The following EEPD1 variants were observed in gnomAD, a reference collection of about 807,000 sequenced individuals.
EEPD1 encodes the protein endonuclease/exonuclease/phosphatase family domain containing 1.
In EEPD1, 17 loss-of-function variants were observed where a neutral mutation model predicts 46.3. The observed-to-expected ratio is 0.37, with a 90% CI of 0.25 to 0.55. The LOEUF (loss-of-function observed/expected upper bound fraction) is 0.55, where lower values mean the gene tolerates loss of function less well. Ranked by LOEUF, EEPD1 falls within the 20% of genes least tolerant of loss-of-function variation. The probability of loss-of-function intolerance (pLI) is 0.83; values close to 1 mark genes in which losing one functional copy is unlikely to be tolerated. For missense variants in EEPD1, 673 were observed against 745.6 expected, an observed-to-expected ratio of 0.90 and a Z score of 1.13; for synonymous variants, 313 against 315.6, an observed-to-expected ratio of 0.99 and a Z score of 0.09.
chr7:36,233,839 C>T (rs765494303), intron 2 of EEPD1, among the ~76,000 whole-genome samples: 8 of 152,298 alleles, frequency 5.3e-5, no homozygotes, highest in East Asian at 1.9e-4. Flanking sequence ...GCAGAGAGAA[C>T]GCCCACACTC....
chr7:36,235,074 C>A (rs530540232), intron 2 of EEPD1, among the ~76,000 whole-genome samples: 2 of 146,668 alleles, frequency 1.4e-5, no homozygotes, highest in African/African-American at 5.1e-5. Flanking sequence ...AGCCTCAAGC[C>A]CAGGCCTTCC....
chr7:36,275,239 T>C (rs1172827494), intron 3 of EEPD1, among the ~76,000 whole-genome samples: 9 of 152,056 alleles, frequency 5.9e-5, no homozygotes, highest in Non-Finnish European at 1.0e-4. Flanking sequence ...CCATTCAGAG[T>C]TTACTTTAAA....
intron 3 of EEPD1, among the ~76,000 whole-genome samples, chr7:36,279,083 C>A (rs1056350978): frequency 3.1e-5 from 2 of 64,160 alleles, no homozygotes; most frequent in African/African-American, 4.2e-5. Context: ...GAAATTCCCA[C>A]CACCCCGACT....
chr7:36,282,498 T>C lies in EEPD1; in HGVS notation c.1041+1273T>C, dbSNP rs141834925. The stretch of plus-strand genomic sequence containing the variant: ...ACAGCCTGTTGGAGAGCAAGACAGG[T>C]AACCCCATTCCAGGTCAGGGTGTCA... On this transcript the variant is annotated intron_variant, in intron 4 of 7. Transcript: ENST00000242108. 3.9e-5 allele frequency among the ~76,000 whole-genome samples: 6 copies of C among 152,330 alleles called. No individual in the cohort carries two copies. In the East Asian group the frequency reaches 1.2e-3, roughly 29 times the overall value.
intron 3 of EEPD1, among the ~76,000 whole-genome samples, chr7:36,273,341 T>C (rs549012340): frequency 6.6e-6 from 1 of 152,054 alleles, no homozygotes; most frequent in South Asian, 2.1e-4. Flanking sequence ...ACTTAGTAAA[T>C]GTTGGTTTCC....
intron 3 of EEPD1, among the ~76,000 whole-genome samples, chr7:36,240,144 C>T (rs1786533646): frequency 6.6e-6 from 1 of 152,072 alleles, no homozygotes; most frequent in African/African-American, 2.4e-5. Context: ...TGGTGCACAC[C>T]TGCGGTCCCA....
chr7:36,286,936 G>A (rs1286985639), intron 5 of EEPD1, among the ~76,000 whole-genome samples: 4 of 152,058 alleles, frequency 2.6e-5, no homozygotes, highest in Non-Finnish European at 4.4e-5. Flanking sequence ...AAGTGCTTGG[G>A]GTTGTGGCCG....
At chr7:36,197,766 A>G (rs1281741335) in intron 2 of EEPD1, among the ~76,000 whole-genome samples, 1 of 152,158 alleles carries the variant, frequency 6.6e-6, no homozygotes. Flanking sequence ...ACCCAGGGAC[A>G]CAAACACTCT....
intron 2 of EEPD1, among the ~76,000 whole-genome samples, chr7:36,212,397 T>C (rs1349891934): frequency 6.6e-6 from 1 of 151,112 alleles, no homozygotes; most frequent in African/African-American, 2.4e-5. Flanking sequence ...CAGAAATGCA[T>C]CCCATATATA....
intron 3 of EEPD1, among the ~76,000 whole-genome samples, chr7:36,255,583 C>G (rs1786816945): frequency 6.6e-6 from 1 of 152,162 alleles, no homozygotes; most frequent in South Asian, 2.1e-4. Flanking sequence ...AGGAATTTAT[C>G]CATTTCTTCT....
At chr7:36,229,743 G>A (rs1176046758) in intron 2 of EEPD1, among the ~76,000 whole-genome samples, 3 of 152,030 alleles carry the variant, frequency 2.0e-5, no homozygotes, top group Non-Finnish European at 4.4e-5. Context: ...GCTGCCGGCC[G>A]TGTTCTCCGG....
chr7:36,166,484 G>C (rs1402072597), intron 2 of EEPD1, among the ~76,000 whole-genome samples: 2 of 152,150 alleles, frequency 1.3e-5, no homozygotes, highest in African/African-American at 4.8e-5. Flanking sequence ...ACTTTGGGAG[G>C]TCTAGGTGGA....
chr7:36,198,825 C>G lies in EEPD1; in HGVS notation c.879-40160C>G, dbSNP rs1302249791. On this transcript the variant is annotated intron_variant, in intron 2 of 7. Transcript: ENST00000242108. ...TGTGGGTGTGCCAGCCACGGTCACT[C>G]TGGTGAAGCCCGCCTTCTCCTGCTA... 2.6e-5 allele frequency among the ~76,000 whole-genome samples: 4 copies of G among 152,132 alleles called. 1 individual carries two copies. The highest frequency in any genetic ancestry group is 9.7e-5 in the African/African-American group (4 of 41,422).
intron 2 of EEPD1, among the ~76,000 whole-genome samples, chr7:36,173,633 A>G (rs950022308): frequency 3.2e-4 from 49 of 152,196 alleles, no homozygotes; most frequent in Admixed American, 3.2e-3. Context: ...CTGTGAGTCA[A>G]TTAAACCTCT....
chr7:36,281,231 C>T lies in EEPD1; in HGVS notation c.1041+6C>T. On this transcript the variant is annotated splice_donor_region_variant and intron_variant, in intron 4 of 7. Coordinates refer to ENST00000242108, the MANE Select transcript of EEPD1 (RefSeq NM_030636.3). ...CCTCGAGTCAGCTCCAGAAGGTACC[C>T]TCGTCTGCAAAGCCTGGCCTTTCCC... The T allele has an allele frequency of 6.2e-7, 1 of 1,611,872 alleles. No individual in the cohort carries two copies. The highest frequency in any genetic ancestry group is 8.5e-7 in the Non-Finnish European group (1 of 1,178,004).
rs56056943 is a variant in EEPD1, at chr7:36,194,902, C to T, written c.878+39700C>T. On this transcript the variant is annotated intron_variant, in intron 2 of 7. Coordinates refer to ENST00000242108, the MANE Select transcript of EEPD1 (RefSeq NM_030636.3). ...ATTGAATGTGTCCTCACCTAATCTA[C>T]CAACTACTAGACACAAATACTCACA... Among the ~76,000 whole-genome samples, 940 of 152,348 alleles carry T rather than the reference C, an allele frequency of 6.2e-3. 1 individual carries two copies. The highest frequency in any genetic ancestry group is 0.011 in the Non-Finnish European group (723 of 68,040).
rs147085393 is a variant in EEPD1, at chr7:36,299,144, C to T, written c.1648C>T (p.Pro550Ser). Residue 550 changes from proline to serine, a missense_variant, in exon 8 of 8, where the codon CCT becomes TCT. Pro to Ser is a moderately conservative substitution (Grantham distance 74). Transcript: ENST00000242108. ...AAAGGACTGGAGCAAGAAGGATGCC[C>T]CTCGGAACGGCAGCGGGGTGGCCTT... Reference protein sequence around the residue: ...TEKDWSKKDAPRNGSGVALER... With the variant: ...TEKDWSKKDASRNGSGVALER... 1 of 1,611,642 alleles carries T rather than the reference C, an allele frequency of 6.2e-7. No homozygotes were observed. The highest frequency in any genetic ancestry group is 8.5e-7 in the Non-Finnish European group (1 of 1,178,002).
chr7:36,220,602 C>G (rs1413789898), intron 2 of EEPD1, among the ~76,000 whole-genome samples: 2 of 152,148 alleles, frequency 1.3e-5, no homozygotes, highest in African/African-American at 4.8e-5. Context: ...TCTTTCTATT[C>G]ATTTGGCCCC....
chr7:36,271,720 CATGG>C (rs1339417762), intron 3 of EEPD1, among the ~76,000 whole-genome samples: 1,060 of 49,866 alleles, frequency 0.021, no homozygotes, highest in East Asian at 0.028. Context: ...CCTAGGTTTT[CATGG>C]TTTTAGGTTT....
Sources: gnomAD v4.1 joint callset for allele counts (sites outside exome capture counted in the v4.1 genomes callset) on GRCh38, gnomAD v4.1.1 for gene constraint, MANE v1.5 for transcripts, NCBI Gene and HGNC (gene_info 2026-07-23, HGNC 2026-07-21) for gene names.